SHISA9: variants seen among roughly 807,000 people sequenced by gnomAD.
The protein encoded by SHISA9 is protein shisa-9.
A neutral mutation model predicts 38.0 loss-of-function variants in SHISA9; 13 were observed. That is an observed-to-expected ratio of 0.34 (90% CI 0.22 to 0.54). SHISA9 has a LOEUF of 0.54. Ranked by LOEUF, SHISA9 falls within the 20% of genes least tolerant of loss-of-function variation. The pLI is 0.91. For missense variants in SHISA9, 538 were observed against 575.8 expected (o/e 0.93, Z 0.67); for synonymous variants, 275 against 242.0 (o/e 1.14, Z -1.27).
chr16:13,317,833 T>C, the SHISA9 span, among the ~76,000 whole-genome samples: 3 of 152,324 alleles, frequency 2.0e-5, no homozygotes, highest in South Asian at 4.1e-4. Flanking sequence ...TGATTTTTTT[T>C]CCAGAAGTAT....
At chr16:13,093,999 G>C (rs1395832168) in intron 2 of SHISA9, among the ~76,000 whole-genome samples, 1 of 152,110 alleles carries the variant, frequency 6.6e-6, no homozygotes, top group Non-Finnish European at 1.5e-5. Flanking sequence ...CCCACTGAAG[G>C]TAGGTCCCAA....
chr16:13,001,050 G>A (rs1319852413), intron 2 of SHISA9, among the ~76,000 whole-genome samples: 2 of 152,110 alleles, frequency 1.3e-5, no homozygotes, highest in South Asian at 2.1e-4. Context: ...GCCTCACCCC[G>A]CCGAGTAGCT....
intron 2 of SHISA9, among the ~76,000 whole-genome samples, chr16:13,190,206 A>G (rs2050870144): frequency 1.3e-5 from 2 of 150,628 alleles, no homozygotes; most frequent in Middle Eastern, 3.4e-3. Flanking sequence ...CATTAGGTAT[A>G]TCTCCCAATG....
At chr16:12,988,372 A>C (rs985292804) in intron 2 of SHISA9, among the ~76,000 whole-genome samples, 1 of 152,112 alleles carries the variant, frequency 6.6e-6, no homozygotes, top group African/African-American at 2.4e-5. Flanking sequence ...CTCTGTCTTC[A>C]TTCTACCACT....
chr16:13,242,815 G>C (rs1170614096), downstream of SHISA9, among the ~76,000 whole-genome samples: 1 of 152,094 alleles, frequency 6.6e-6, no homozygotes, highest in African/African-American at 2.4e-5. Context: ...ACTTTCAAAG[G>C]TTTGCTCCTG....
At chr16:13,341,625 C>T in the SHISA9 span, among the ~76,000 whole-genome samples, 3 of 152,164 alleles carry the variant, frequency 2.0e-5, no homozygotes, top group Non-Finnish European at 4.4e-5. Flanking sequence ...TTCTAGTTAC[C>T]TCTGGTCCTA....
rs74975499 is a variant in SHISA9, at chr16:13,212,851, G to A, written c.848-402G>A. On this transcript the variant is annotated intron_variant, in intron 3 of 4. Transcript: ENST00000558583. ...GGGATTGCAGTGGAACACGATCAAA[G>A]TCTATCTCTTGTCATCAGAGTGTAG... is the stretch of plus-strand genomic sequence containing the variant. Among the ~76,000 whole-genome samples, 23 of 152,298 alleles carry A rather than the reference G, an allele frequency of 1.5e-4. No homozygotes were observed. The East Asian group carries it at 4.4e-3, about 29-fold the overall frequency.
chr16:12,939,722 A>G (rs917125180), intron 2 of SHISA9, among the ~76,000 whole-genome samples: 1 of 152,066 alleles, frequency 6.6e-6, no homozygotes, highest in Non-Finnish European at 1.5e-5. Flanking sequence ...CTCCCTGTCT[A>G]TTGTGCTATT....
At chr16:13,264,733 T>G in the SHISA9 span, among the ~76,000 whole-genome samples, 2 of 151,864 alleles carry the variant, frequency 1.3e-5, no homozygotes, top group Non-Finnish European at 2.9e-5. Context: ...AAAAGTAGAG[T>G]GAAAAAACAA....
chr16:12,916,083 C>T (rs2071253069), intron 1 of SHISA9, among the ~76,000 whole-genome samples: 1 of 138,244 alleles, frequency 7.2e-6, no homozygotes, highest in African/African-American at 2.7e-5. Flanking sequence ...AATTGTGTCT[C>T]CATCCCCCTG....
At chr16:13,473,349 C>CTTTTTTTTTTTTTTTTTTTTT in the SHISA9 span, among the ~76,000 whole-genome samples, 4 of 73,908 alleles carry the variant, frequency 5.4e-5, no homozygotes, top group East Asian at 4.0e-4. Flanking sequence ...TTCTTTCTTT[C>CTTTTTTTTTTTTTTTTTTTTT]TTTTTTTTTT....
chr16:13,536,331 C>T, the SHISA9 span, among the ~76,000 whole-genome samples: 1 of 152,060 alleles, frequency 6.6e-6, no homozygotes, highest in African/African-American at 2.4e-5. Context: ...AATAACTTTT[C>T]CTCTACATAT....
At chr16:12,991,067 A>G (rs76210241) in intron 2 of SHISA9, among the ~76,000 whole-genome samples, 4,375 of 152,308 alleles carry the variant, frequency 0.029, 193 homozygotes, top group African/African-American at 0.098. Context: ...TTAATTTGGA[A>G]TAAAAACCCT....
the SHISA9 span, among the ~76,000 whole-genome samples, chr16:13,511,604 T>C: frequency 6.6e-6 from 1 of 151,870 alleles, no homozygotes; most frequent in East Asian, 1.9e-4. Context: ...AGAAACAAAA[T>C]CAGATAAGCC....
chr16:13,057,372 A>G (rs1264219729), intron 2 of SHISA9, among the ~76,000 whole-genome samples: 3 of 152,180 alleles, frequency 2.0e-5, no homozygotes, highest in East Asian at 1.9e-4. Flanking sequence ...TGTCGGATTC[A>G]CCGTATCCTA....
At chr16:13,310,899 G>T in the SHISA9 span, among the ~76,000 whole-genome samples, 2 of 151,864 alleles carry the variant, frequency 1.3e-5, no homozygotes, top group Admixed American at 6.6e-5. Context: ...GGCCAGGATG[G>T]TCTCAATCTC....
the SHISA9 span, among the ~76,000 whole-genome samples, chr16:13,318,411 C>T: frequency 2.6e-5 from 4 of 152,156 alleles, no homozygotes; most frequent in Non-Finnish European, 5.9e-5. Context: ...CAACCTCCAC[C>T]TCCTGGGTTC....
the SHISA9 span, among the ~76,000 whole-genome samples, chr16:13,413,159 A>C: frequency 6.6e-6 from 1 of 152,196 alleles, no homozygotes; most frequent in African/African-American, 2.4e-5. Flanking sequence ...AACATTTTCC[A>C]ACAAAAAGAG....
At chr16:13,008,233 A>G (rs183349586) in intron 2 of SHISA9, among the ~76,000 whole-genome samples, 157 of 152,248 alleles carry the variant, frequency 1.0e-3, no homozygotes, top group Middle Eastern at 0.01. Flanking sequence ...ACCCTCTTCC[A>G]GGGGTCCAAA....
Sources: allele counts gnomAD v4.1 joint callset (sites outside exome capture counted in the v4.1 genomes callset), GRCh38; gene constraint gnomAD v4.1.1; transcripts MANE v1.5; gene names NCBI Gene and HGNC (gene_info 2026-07-23, HGNC 2026-07-21).